KLK10: variants seen among roughly 807,000 people sequenced by gnomAD.
KLK10 encodes the protein kallikrein related peptidase 10, also known as kallikrein-10.
Under a neutral mutation model 25.7 loss-of-function variants are expected in KLK10, and 27 were observed. That is an observed-to-expected ratio of 1.05 (90% CI 0.77 to 1.45). The LOEUF is 1.45. Among genes scored for constraint, KLK10 ranks in the 40% most tolerant of loss-of-function variants. The probability of loss-of-function intolerance (pLI) is 0.00; values close to 1 mark genes in which losing one functional copy is unlikely to be tolerated. For synonymous variants in KLK10, 173 were observed against 160.1 expected, an observed-to-expected ratio of 1.08 and a Z score of -0.61; for missense variants, 386 against 370.0, an observed-to-expected ratio of 1.04 and a Z score of -0.35.
At chr19:51,018,840 G>C (rs951511619) in intron 2 of KLK10, 20 of 592,734 alleles carry the variant, frequency 3.4e-5, no homozygotes, top group Non-Finnish European at 5.4e-5. Flanking sequence ...AAATCGGACA[G>C]GGCCTGAGTG....
At chr19:51,018,280 G>A (rs1297779509) in intron 2 of KLK10, among the ~76,000 whole-genome samples, 1 of 144,984 alleles carries the variant, frequency 6.9e-6, no homozygotes, top group East Asian at 2.0e-4. Flanking sequence ...ACAAACGAAA[G>A]GAAGGAAGGA....
rs377226724 is a variant in KLK10, at chr19:51,016,032, G to T, written c.394C>A (p.Arg132=). The T allele has an allele frequency of 1.9e-6, 3 of 1,566,430 alleles. No individual in the cohort carries two copies. The highest frequency in any genetic ancestry group is 2.6e-6 in the Non-Finnish European group (3 of 1,155,448). The stretch of plus-strand genomic sequence containing the variant: ...AACATGAGATCGTGCTCATCCGTTC[G>T]CCTTGGCAGGATGGGGCCTGAGCCC... ...HQGSGPILPR[R]TDEHDLMLLK... Residue 132 remains arginine, a synonymous_variant, in exon 4 of 6, where the codon CGA becomes AGA. Coordinates refer to ENST00000358789, the MANE Select transcript of KLK10 (RefSeq NM_145888.3).
In KLK10 at chr19:51,013,906, C is replaced by G. The variant is rs2091290794; in HGVS notation, c.*894G>C. The G allele has an allele frequency of 6.5e-6, 1 of 153,532 alleles. No homozygotes were observed. The highest frequency in any genetic ancestry group is 2.4e-5 in the African/African-American group (1 of 41,444). 9.5% of individuals were successfully genotyped at this position (153,532 alleles called of 1,614,324 possible). A position where few individuals can be genotyped will look rare whatever the true frequency, so the allele number is the denominator to read the frequency against. On this transcript the variant is annotated 3_prime_UTR_variant, in exon 6 of 6. Coordinates refer to ENST00000358789, the MANE Select transcript of KLK10 (RefSeq NM_145888.3). ...AATGTCAGAGGGAGGTTTCTTGGCA[C>G]AAGCTGGGCAGTTGAGGTGGCAAGG...
In KLK10 at chr19:51,019,120, G is replaced by A; in HGVS notation, c.11C>T (p.Pro4Leu). Residue 4 changes from proline to leucine, a missense_variant, in exon 2 of 6, where the codon CCG (proline) becomes CTG (leucine). Coordinates refer to ENST00000358789, the MANE Select transcript of KLK10 (RefSeq NM_145888.3). The surrounding 1 kb of genome is among the most constrained non-coding windows in gnomAD (Gnocchi z 4.2). The stretch of plus-strand genomic sequence containing the variant: ...AGAGGCGGCGGAGAGGTGGAGGTGC[G>A]GAGCTCTCATGGCCAGGATCTGCTG... MRA[P>L]HLHLSAASGA... 1 of 1,609,118 alleles carries A rather than the reference G, an allele frequency of 6.2e-7. No individual in the cohort carries two copies. Among genetic ancestry groups the A allele is most frequent in the Non-Finnish European group, 8.5e-7 (1 of 1,179,152 alleles).
At position 51,017,845 on chromosome 19, in the gene KLK10, AC is replaced by A. The variant is rs1349431459; in HGVS notation, c.89-556del. On this transcript the variant is annotated intron_variant, in intron 2 of 5. Transcript: ENST00000358789. ...CAAAAACAAACAAACAACAACAACA[AC>A]AACAAAAAAGTAGTCGCGGAGGCAT... Among the ~76,000 whole-genome samples the A allele has an allele frequency of 1.3e-3, 199 of 151,460 alleles. 4 individuals carry two copies. Among genetic ancestry groups the A allele is most frequent in the Non-Finnish European group, 1.4e-3 (96 of 67,860 alleles).
intron 2 of KLK10, among the ~76,000 whole-genome samples, chr19:51,018,200 A>AAG (rs2091358894): frequency 8.9e-6 from 1 of 112,332 alleles, no homozygotes; most frequent in Non-Finnish European, 1.7e-5. Flanking sequence ...GGAAAGAAAA[A>AAG]GAGAGAGAAA....
rs544683344 is a variant in KLK10, at chr19:51,014,854, G to A, written c.777C>T (p.Tyr259=). The change falls in exon 6 of 6, where the codon TAC becomes TAT. Residue 259 remains tyrosine, a synonymous_variant. Coordinates refer to ENST00000358789, the MANE Select transcript of KLK10 (RefSeq NM_145888.3). ...AGGACATGTATTTGCAGATCTGGGT[G>A]TAGACAGCTGGATGCTGGGCAGAGC... is the stretch of plus-strand genomic sequence containing the variant. ...PCGSAQHPAV[Y]TQICKYMSWI... 1 of 1,614,134 alleles carries A rather than the reference G, an allele frequency of 6.2e-7. No homozygotes were observed. Among genetic ancestry groups the A allele is most frequent in the South Asian group, 1.1e-5 (1 of 91,078 alleles).
intron 4 of KLK10, 40 bp from the exon 5 acceptor site, chr19:51,015,590 C>T: frequency 3.1e-6 from 5 of 1,603,570 alleles, no homozygotes; most frequent in Admixed American, 1.7e-5. Flanking sequence ...GGTCCAGCCC[C>T]CAATCCTTGG....
At position 51,015,885 on chromosome 19, in the gene KLK10, T is replaced by G. The variant is rs2091319538; in HGVS notation, c.541A>C (p.Arg181=). 2 of 1,544,298 alleles carry G rather than the reference T, an allele frequency of 1.3e-6. No individual in the cohort carries two copies. The highest frequency in any genetic ancestry group is 1.9e-5 in the Admixed American group (1 of 53,234). Residue 181 remains arginine (R), a synonymous_variant, in exon 4 of 6, where the codon AGA becomes CGA. Coordinates refer to ENST00000358789, the MANE Select transcript of KLK10 (RefSeq NM_145888.3). ...VAGWGTTAAR[R]VKYNKGLTCS... ...GCCTCAGAGCCCCAGCTCTTGCCTC[T>G]CCGGGCGGCCGTGGTGCCCCAGCCA...
Position 51,015,940 on chromosome 19 carries a change from AC to A in KLK10, c.485del (p.Cys162LeufsTer21), listed in dbSNP as rs2091320536. 1 of 1,590,970 alleles carries A rather than the reference AC, an allele frequency of 6.3e-7. No homozygotes were observed. Among genetic ancestry groups the A allele is most frequent in the Non-Finnish European group, 8.5e-7 (1 of 1,171,604 alleles). On this transcript the variant is annotated frameshift_variant, in exon 4 of 6. Coordinates refer to ENST00000358789, the MANE Select transcript of KLK10 (RefSeq NM_145888.3). LOFTEE classifies it high-confidence loss of function. ...CCTGGCACTGGTCTCCGGGCTGAGC[AC>A]AGCGGTAGGGAAGCTGCAGGGCCCG... ...RVRALQLPYR[C>X]AQPGDQCQVA...
intron 3 of KLK10, 81 bp downstream of exon 3, chr19:51,017,029 G>A: frequency 1.5e-6 from 2 of 1,362,542 alleles, no homozygotes; most frequent in Non-Finnish European, 9.8e-7. Context: ...GGAGTTCCGA[G>A]AGACCCCGCC....
Position 51,015,893 on chromosome 19 carries a change from G to A in KLK10, c.533C>T (p.Ala178Val). ...GCCCCAGCTCTTGCCTCTCCGGGCG[G>A]CCGTGGTGCCCCAGCCAGCAACCTG... ...QCQVAGWGTT[A>V]ARRVKYNKGL... The change falls in exon 4 of 6, where the codon GCC becomes GTC. Residue 178 changes from alanine (A) to valine (V), a missense_variant. Physicochemically the swap from Ala to Val is moderately conservative, Grantham distance 64 (BLOSUM62 0). Transcript: ENST00000358789. 1.9e-6 allele frequency: 3 copies of A among 1,556,842 alleles called. No individual in the cohort carries two copies. Among genetic ancestry groups the A allele is most frequent in the Non-Finnish European group, 2.6e-6 (3 of 1,154,064 alleles).
At chr19:51,017,868 G>T (rs1008373960) in intron 2 of KLK10, among the ~76,000 whole-genome samples, 6 of 151,706 alleles carry the variant, frequency 4.0e-5, no homozygotes, top group African/African-American at 1.5e-4. Context: ...AGTCGCGGAG[G>T]CATGCGCCTG....
Position 51,013,244 on chromosome 19 carries a change from C to T in KLK10, c.*1556G>A, listed in dbSNP as rs2091285668. On this transcript the variant is annotated 3_prime_UTR_variant, in exon 6 of 6. Transcript: ENST00000358789. The stretch of plus-strand genomic sequence containing the variant: ...AGGGTGGGGGACCTTGTGATCACCC[C>T]TACGTATGTCCCCAGCACCCAGCAC... 6.6e-6 allele frequency: 1 copy of T among 152,142 alleles called. No individual in the cohort carries two copies. The highest frequency in any genetic ancestry group is 1.5e-5 in the Non-Finnish European group (1 of 68,064). 9.4% of individuals were successfully genotyped at this position (152,142 alleles called of 1,614,324 possible). A position where few individuals can be genotyped will look rare whatever the true frequency, so the allele number is the denominator to read the frequency against.
intron 2 of KLK10, among the ~76,000 whole-genome samples, chr19:51,018,240 TAAG>T (rs918459175): frequency 2.1e-5 from 1 of 48,040 alleles, no homozygotes; most frequent in Middle Eastern, 0.012. Context: ...GAAGAAAAAA[TAAG>T]AGAGAAAGTA....
chr19:51,015,368 C>G (rs1470640234), intron 5 of KLK10, 49 bp downstream of exon 5: 1 of 1,595,526 alleles, frequency 6.3e-7, no homozygotes, highest in Admixed American at 1.7e-5. Context: ...CCCATAACCT[C>G]CCTGTCCTCC....
Position 51,015,445 on chromosome 19 carries a change from C to G in KLK10, c.650G>C (p.Gly217Ala), listed in dbSNP as rs766253499. 6 of 1,613,750 alleles carry G rather than the reference C, an allele frequency of 3.7e-6. No individual in the cohort carries two copies. Among genetic ancestry groups the G allele is most frequent in the African/African-American group, 1.3e-5 (1 of 74,824 alleles). Residue 217 changes from glycine (G) to alanine (A), a missense_variant, in exon 5 of 6, where the codon GGA (glycine) becomes GCA (alanine). Coordinates refer to ENST00000358789, the MANE Select transcript of KLK10 (RefSeq NM_145888.3). ...GCAAGGGTCCTGGCCCCGGTCCAGT[C>G]CAGCACATATCATGTTGTTGGTGAC... ...GVVTNNMICA[G>A]LDRGQDPCQS...
chr19:51,015,540 G>T lies in KLK10; in HGVS notation c.555C>A (p.Asn185Lys), dbSNP rs770730558. The change falls in exon 5 of 6, where the codon AAC becomes AAA. Residue 185 changes from asparagine (N) to lysine (K), a missense_variant. Transcript: ENST00000358789. ...GTTAARRVKY[N>K]KGLTCSSITI... Reference sequence around the variant, plus strand: ...TGATGCTGGAGCAGGTCAGGCCCTTGTTGTACTTCACTGAAGGGAGAATAT... The same window carrying T: ...TGATGCTGGAGCAGGTCAGGCCCTTTTTGTACTTCACTGAAGGGAGAATAT... 1.9e-6 allele frequency: 3 copies of T among 1,613,796 alleles called. No homozygotes were observed. The highest frequency in any genetic ancestry group is 1.7e-6 in the Non-Finnish European group (2 of 1,179,752).
chr19:51,018,957 G>A, intron 2 of KLK10, 86 bp downstream of exon 2: 1 of 1,011,788 alleles, frequency 9.9e-7, no homozygotes, highest in Middle Eastern at 3.0e-4. Flanking sequence ...GAGGAGAGGT[G>A]CGCGGGGCTT....
Sources: gnomAD v4.1 joint callset for allele counts (sites outside exome capture counted in the v4.1 genomes callset) on GRCh38, gnomAD v4.1.1 for gene constraint, Gnocchi (gnomAD v3.1) non-coding constraint, MANE v1.5 for transcripts, NCBI Gene and HGNC (gene_info 2026-07-23, HGNC 2026-07-21) for gene names.